DOCK8: variants seen among roughly 807,000 people sequenced by gnomAD.
DOCK8 encodes the protein dedicator of cytokinesis 8.
A neutral mutation model predicts 245.6 loss-of-function variants in DOCK8; 141 were observed. The observed-to-expected ratio is 0.57, with a 90% confidence interval of 0.50 to 0.66. The LOEUF (loss-of-function observed/expected upper bound fraction) is 0.66, where lower values mean the gene tolerates loss of function less well. Among genes scored for constraint, DOCK8 ranks in the 30% least tolerant of loss-of-function variants. The pLI is 0.00. For missense variants in DOCK8, 2,965 were observed against 2,603.4 expected, an observed-to-expected ratio of 1.14 and a Z score of -3.02; for synonymous variants, 1,168 against 970.2, an observed-to-expected ratio of 1.20 and a Z score of -3.79.
In DOCK8 at chr9:464,523, G is replaced by A; in HGVS notation, c.*304G>A. 2.2e-6 allele frequency: 1 copy of A among 463,482 alleles called. No individual in the cohort carries two copies. Among genetic ancestry groups the A allele is most frequent in the Non-Finnish European group, 4.0e-6 (1 of 252,300 alleles). 28.7% of individuals were successfully genotyped at this position (463,482 alleles called of 1,614,324 possible). ...CATAAGCAGCTTCTCCTGCTGACTGGCCAATCACTGCCCATCTGAGAGATG... is the reference window on the plus strand; with the variant it reads ...CATAAGCAGCTTCTCCTGCTGACTGACCAATCACTGCCCATCTGAGAGATG... On this transcript the variant is annotated 3_prime_UTR_variant, in exon 48 of 48. Coordinates refer to ENST00000432829, the MANE Select transcript of DOCK8 (RefSeq NM_203447.4).
At chr9:307,370 TTTTTTTG>T in intron 5 of DOCK8, among the ~76,000 whole-genome samples, 1 of 73,908 alleles carries the variant, frequency 1.4e-5, no homozygotes, top group African/African-American at 5.5e-5. Context: ...TTTTTTTTTT[TTTTTTTG>T]AGATGGAGTT....
chr9:435,118 T>A (rs2054487229), intron 39 of DOCK8, 143 bp downstream of exon 39: 2 of 937,724 alleles, frequency 2.1e-6, no homozygotes, highest in African/African-American at 3.2e-5. Flanking sequence ...TACTGGCATC[T>A]GACTGGTAGA....
At chr9:457,844 A>G (rs2057688828) in intron 46 of DOCK8, among the ~76,000 whole-genome samples, 1 of 152,258 alleles carries the variant, frequency 6.6e-6, no homozygotes, top group Non-Finnish European at 1.5e-5. Context: ...AACATTTGAT[A>G]TGTTTCAACT....
At chr9:303,333 C>G (rs1037063236) in intron 4 of DOCK8, among the ~76,000 whole-genome samples, 1 of 152,148 alleles carries the variant, frequency 6.6e-6, no homozygotes, top group Non-Finnish European at 1.5e-5. Context: ...GACACATGCA[C>G]TCGTATGTTC....
At chr9:386,930 A>T (rs975275664) in intron 23 of DOCK8, among the ~76,000 whole-genome samples, 17 of 152,230 alleles carry the variant, frequency 1.1e-4, no homozygotes, top group Admixed American at 1.1e-3. Flanking sequence ...AATTCTTCAC[A>T]ATCAGCCTTA....
rs531413267 is a variant in DOCK8 at position 262,715 on chromosome 9, G to A, written c.54-8912G>A. On this transcript the variant is annotated intron_variant, in intron 1 of 47. Transcript: ENST00000432829. Reference sequence around the variant, plus strand: ...AGGGGCATGAAGAAACTTTTTTATTGTAGTAATGGTCTCATGGGTCTATAC... The same window carrying A: ...AGGGGCATGAAGAAACTTTTTTATTATAGTAATGGTCTCATGGGTCTATAC... Among the ~76,000 whole-genome samples the A allele has an allele frequency of 6.6e-5, 10 of 152,152 alleles. No homozygotes were observed. In the South Asian group the frequency reaches 1.5e-3, roughly 22 times the overall value.
intron 26 of DOCK8, among the ~76,000 whole-genome samples, chr9:400,304 T>C (rs1403406516): frequency 0.066 from 604 of 9,208 alleles, 75 homozygotes; most frequent in Non-Finnish European, 0.072. Flanking sequence ...ACCACCATCT[T>C]CACCGTCACC....
chr9:295,590 T>C (rs992854295), intron 4 of DOCK8, among the ~76,000 whole-genome samples: 2 of 152,222 alleles, frequency 1.3e-5, no homozygotes, highest in Non-Finnish European at 2.9e-5. Context: ...CCTGCCTTCC[T>C]CTGGAGGACC....
intron 1 of DOCK8, among the ~76,000 whole-genome samples, chr9:227,111 G>T (rs1338141241): frequency 6.6e-6 from 1 of 152,160 alleles, no homozygotes; most frequent in Non-Finnish European, 1.5e-5. Context: ...GGACATGCAT[G>T]TATGAGTGTA....
intron 33 of DOCK8, among the ~76,000 whole-genome samples, chr9:424,746 G>T (rs1321613277): frequency 6.6e-6 from 1 of 152,190 alleles, no homozygotes; most frequent in Non-Finnish European, 1.5e-5. Context: ...ATTAGTGTTA[G>T]TGATGGTTGC....
chr9:217,474 C>T (rs1354825560), intron 1 of DOCK8, among the ~76,000 whole-genome samples: 2 of 152,160 alleles, frequency 1.3e-5, no homozygotes, highest in Non-Finnish European at 2.9e-5. Context: ...GTGATGAAAT[C>T]TGATCAAGAA....
At chr9:295,945 C>A (rs1029226200) in intron 4 of DOCK8, among the ~76,000 whole-genome samples, 1 of 152,114 alleles carries the variant, frequency 6.6e-6, no homozygotes, top group African/African-American at 2.4e-5. Flanking sequence ...TCCTTTTAAA[C>A]CTAACAGAGA....
chr9:451,353 G>C (rs1254921138), intron 45 of DOCK8, among the ~76,000 whole-genome samples: 1 of 150,730 alleles, frequency 6.6e-6, no homozygotes, highest in Non-Finnish European at 1.5e-5. Context: ...GCTGTGTATG[G>C]TGCGCACGCC....
At chr9:246,237 C>T (rs62531305) in intron 1 of DOCK8, among the ~76,000 whole-genome samples, 8,170 of 151,924 alleles carry the variant, frequency 0.054, 238 homozygotes, top group South Asian at 0.069. Flanking sequence ...AAATGGGCAT[C>T]TGGCCAGGTG....
chr9:377,828 A>G (rs1586842381), intron 20 of DOCK8, among the ~76,000 whole-genome samples: 1 of 152,342 alleles, frequency 6.6e-6, no homozygotes, highest in Middle Eastern at 3.4e-3. Context: ...ACTTTTAACA[A>G]GTTAACACTA....
intron 4 of DOCK8, among the ~76,000 whole-genome samples, chr9:295,988 G>T (rs534511285): frequency 9.9e-5 from 15 of 152,150 alleles, no homozygotes; most frequent in Admixed American, 1.3e-4. Flanking sequence ...TAAAATACAT[G>T]ATCTCCAGTA....
intron 4 of DOCK8, among the ~76,000 whole-genome samples, chr9:293,268 C>G (rs2049121636): frequency 6.6e-6 from 1 of 152,180 alleles, no homozygotes; most frequent in Non-Finnish European, 1.5e-5. Context: ...AACTAAAATT[C>G]CTAGCACACA....
At position 334,341 on chromosome 9, in the gene DOCK8, C is replaced by A; in HGVS notation, c.1242C>A (p.Val414=). 6.2e-7 allele frequency: 1 copy of A among 1,614,184 alleles called. No individual in the cohort carries two copies. Among genetic ancestry groups the A allele is most frequent in the Non-Finnish European group, 8.5e-7 (1 of 1,180,016 alleles). ...TAAGCTTATCAAGCTTCTTCAATGT[C>A]TCCACCCTTGAGAGGGAGGTAACTG... The part of the protein sequence containing the change: ...APISLSSFFN[V]STLEREVTDV... Residue 414 remains valine, a synonymous_variant, in exon 11 of 48, where the codon GTC becomes GTA. Transcript: ENST00000432829.
chr9:452,071 C>G lies in DOCK8; in HGVS notation c.6022C>G (p.Arg2008Gly), dbSNP rs1418593569. ...AEIPADPKLYRHHNKLRLCFK... is the reference protein window; with the variant it reads ...AEIPADPKLYGHHNKLRLCFK... ...AATTCCTGCTGATCCAAAACTCTAT[C>G]GACATCACAACAAGTTGAGGTTATG... Residue 2008 changes from arginine (R) to glycine (G), a missense_variant, in exon 46 of 48, where the codon CGA (arginine) becomes GGA (glycine). Around this residue, in one of 3 missense-constraint regions of DOCK8, gnomAD observed 134 missense variants for 128.1 expected, o/e 1.05. Coordinates refer to ENST00000432829, the MANE Select transcript of DOCK8 (RefSeq NM_203447.4). 1.9e-6 allele frequency: 3 copies of G among 1,601,990 alleles called. No homozygotes were observed. The South Asian group carries it at 3.3e-5, about 18-fold the overall frequency.
Sources: gnomAD v4.1 joint callset for allele counts (sites outside exome capture counted in the v4.1 genomes callset) on GRCh38, gnomAD v4.1.1 for gene constraint, gnomAD v4.1.1 regional missense constraint, MANE v1.5 for transcripts, NCBI Gene and HGNC (gene_info 2026-07-23, HGNC 2026-07-21) for gene names.